ZNF708: variants seen among roughly 807,000 people sequenced by gnomAD.
The protein encoded by ZNF708 is ZNF15, ZNF15L1.
A neutral mutation model predicts 47.0 loss-of-function variants in ZNF708; 44 were observed. The observed-to-expected ratio is 0.94, with a 90% CI of 0.74 to 1.20. The LOEUF (loss-of-function observed/expected upper bound fraction) is 1.20, where lower values mean the gene tolerates loss of function less well. ZNF708 is among the 50% of genes most tolerant of loss of function. The pLI, the probability that ZNF708 is intolerant of heterozygous loss-of-function variation, is 0.00. For missense variants in ZNF708, 557 were observed against 656.0 expected (o/e 0.85, Z 1.65); for synonymous variants, 184 against 218.5 (o/e 0.84, Z 1.39).
intron 1 of ZNF708, among the ~76,000 whole-genome samples, chr19:21,315,756 G>C (rs1414091118): frequency 6.6e-6 from 1 of 151,154 alleles, no homozygotes; most frequent in Non-Finnish European, 1.5e-5. Flanking sequence ...TTAGGCTATA[G>C]GGTGTGGGTT....
In ZNF708 at chr19:21,316,625, C is replaced by T. The variant is rs143590814; in HGVS notation, c.4-5998G>A. On this transcript the variant is annotated intron_variant, in intron 1 of 3. Transcript: ENST00000356929. ...ATGTTATTCTGCTAGGGTTTTTGGG[C>T]CCCATGGTCTCTGAGTCAGCTTCAG... Among the ~76,000 whole-genome samples the T allele has an allele frequency of 2.9e-3, 446 of 152,214 alleles. 3 individuals are homozygous for T. The highest frequency in any genetic ancestry group is 1.0e-2 in the African/African-American group (415 of 41,558).
rs1396899380 is a variant in ZNF708 at position 21,292,198 on chromosome 19, A to T, written c.*1076T>A. 1 of 152,016 alleles carries T rather than the reference A, an allele frequency of 6.6e-6. No individual in the cohort carries two copies. The highest frequency in any genetic ancestry group is 1.5e-5 in the Non-Finnish European group (1 of 68,080). 9.4% of individuals were successfully genotyped at this position (152,016 alleles called of 1,614,324 possible). ...AGGCACGTGCCGCCACGCCCAGCTA[A>T]TTTTTGTATTTTTAGTAGAGACAGG... On this transcript the variant is annotated 3_prime_UTR_variant, in exon 4 of 4. Coordinates refer to ENST00000356929, the MANE Select transcript of ZNF708 (RefSeq NM_021269.3).
intron 3 of ZNF708, among the ~76,000 whole-genome samples, chr19:21,298,654 C>A (rs1420042013): frequency 6.7e-6 from 1 of 148,644 alleles, no homozygotes; most frequent in African/African-American, 2.5e-5. Context: ...GACAAAGCTA[C>A]ATAATAAAAA....
chr19:21,315,641 T>C (rs1972985653), intron 1 of ZNF708, among the ~76,000 whole-genome samples: 1 of 152,048 alleles, frequency 6.6e-6, no homozygotes, highest in Non-Finnish European at 1.5e-5. Context: ...TACAATTGGA[T>C]TGGAAAGACA....
chr19:21,315,192 G>T (rs763266568), intron 1 of ZNF708, among the ~76,000 whole-genome samples: 1 of 152,126 alleles, frequency 6.6e-6, no homozygotes, highest in Non-Finnish European at 1.5e-5. Flanking sequence ...AGCCTCTCAC[G>T]TAACTGTGGC....
rs537931794 is a variant in ZNF708, at chr19:21,315,293, T to C, written c.4-4666A>G. ...GCTGTAGGATGTCTATGTTGACATC[T>C]CACAGTGCAGAAAATGCCTTCTATT... On this transcript the variant is annotated intron_variant, in intron 1 of 3. Transcript: ENST00000356929. 4.7e-4 allele frequency among the ~76,000 whole-genome samples: 71 copies of C among 152,334 alleles called. No individual in the cohort carries two copies. The South Asian group carries it at 5.6e-3, about 12-fold the overall frequency.
At chr19:21,297,562 G>C (rs1489262339) in intron 3 of ZNF708, among the ~76,000 whole-genome samples, 2 of 113,546 alleles carry the variant, frequency 1.8e-5, no homozygotes, top group African/African-American at 6.3e-5. Context: ...GAAAATGAGG[G>C]ACAAAGATAC....
intron 1 of ZNF708, 129 bp from the exon 2 acceptor site, chr19:21,310,756 TA>T (rs1972882931): frequency 1.5e-6 from 1 of 676,412 alleles, no homozygotes; most frequent in Non-Finnish European, 2.1e-6. Flanking sequence ...AATTATCCAA[TA>T]AAATAATTTT....
rs551582864 is a variant in ZNF708, at chr19:21,293,146, T to C, written c.*128A>G. The C allele has an allele frequency of 1.2e-5, 14 of 1,168,194 alleles. No individual in the cohort carries two copies. In the African/African-American group the frequency reaches 2.2e-4, roughly 18 times the overall value. 72.4% of individuals were successfully genotyped at this position (1,168,194 alleles called of 1,614,324 possible). On this transcript the variant is annotated 3_prime_UTR_variant, in exon 4 of 4. Coordinates refer to ENST00000356929, the MANE Select transcript of ZNF708 (RefSeq NM_021269.3). The stretch of plus-strand genomic sequence containing the variant: ...GGTTTCTCTCTAGTATGAATTATCT[T>C]TTGTTTCATAAGGATTAAGAGCCAG...
intron 1 of ZNF708, among the ~76,000 whole-genome samples, chr19:21,313,688 G>A (rs184693784): frequency 2.8e-4 from 43 of 151,584 alleles, no homozygotes; most frequent in Non-Finnish European, 5.9e-5. Context: ...AACCCGGGAG[G>A]TGGAGGTTGC....
At chr19:21,312,337 C>T (rs1450654922) in intron 1 of ZNF708, among the ~76,000 whole-genome samples, 6 of 151,300 alleles carry the variant, frequency 4.0e-5, no homozygotes, top group African/African-American at 9.8e-5. Flanking sequence ...GTAGCATGCA[C>T]GTGTAATCCC....
chr19:21,293,627 G>A lies in ZNF708; in HGVS notation c.1339C>T (p.Pro447Ser). The A allele has an allele frequency of 6.2e-7, 1 of 1,612,326 alleles. No homozygotes were observed. The highest frequency in any genetic ancestry group is 1.7e-5 in the Admixed American group (1 of 59,908). Residue 447 changes from proline (P) to serine (S), a missense_variant, in exon 4 of 4, where the codon CCC becomes TCC. Physicochemically the swap from Pro to Ser is moderately conservative, Grantham distance 74. Coordinates refer to ENST00000356929, the MANE Select transcript of ZNF708 (RefSeq NM_021269.3). ...TTGCCACATTCTTCACATTTGTAGG[G>A]TTTGTCTTCAGTATGAATTACTTTA... ...KHKVIHTEDKPYKCEECGKTF... is the reference protein window; with the variant it reads ...KHKVIHTEDKSYKCEECGKTF...
At chr19:21,308,874 T>TA (rs1380180962) in intron 3 of ZNF708, among the ~76,000 whole-genome samples, 1 of 152,124 alleles carries the variant, frequency 6.6e-6, no homozygotes, top group Non-Finnish European at 1.5e-5. Flanking sequence ...CCACAACTCT[T>TA]ACACATTTCA....
At position 21,329,286 on chromosome 19, in the gene ZNF708, T is replaced by C; in HGVS notation, c.-74A>G. On this transcript the variant is annotated 5_prime_UTR_variant, in exon 1 of 4. Transcript: ENST00000356929. ...ACCTGCAGGTCACAGAGCCACAGAG[T>C]CTGGGCCTCTAGGAGCAGAGGACAA... 6.3e-7 allele frequency: 1 copy of C among 1,596,580 alleles called. No individual in the cohort carries two copies. The highest frequency in any genetic ancestry group is 8.6e-7 in the Non-Finnish European group (1 of 1,167,022).
intron 1 of ZNF708, among the ~76,000 whole-genome samples, chr19:21,322,912 G>T (rs1041989776): frequency 5.3e-5 from 8 of 152,222 alleles, no homozygotes; most frequent in Admixed American, 3.9e-4. Context: ...CAAACTCCAT[G>T]GGCCCATTTA....
intron 1 of ZNF708, among the ~76,000 whole-genome samples, chr19:21,314,266 C>A (rs1024776613): frequency 2.0e-5 from 3 of 151,904 alleles, no homozygotes; most frequent in Non-Finnish European, 2.9e-5. Flanking sequence ...AAACTTAAAT[C>A]CCAGCGTTTG....
intron 3 of ZNF708, among the ~76,000 whole-genome samples, 192 bp downstream of exon 3, chr19:21,309,054 G>A (rs1400366975): frequency 6.6e-6 from 1 of 152,140 alleles, no homozygotes; most frequent in Non-Finnish European, 1.5e-5. Context: ...GAAGATCGCT[G>A]AAGGGAAAGT....
intron 1 of ZNF708, among the ~76,000 whole-genome samples, chr19:21,322,834 T>C (rs1973179858): frequency 6.6e-6 from 1 of 152,232 alleles, no homozygotes; most frequent in African/African-American, 2.4e-5. Flanking sequence ...ATTTTATTTC[T>C]GACACCACCC....
intron 1 of ZNF708, among the ~76,000 whole-genome samples, chr19:21,326,817 C>G (rs1386177016): frequency 6.6e-6 from 1 of 152,110 alleles, no homozygotes; most frequent in Non-Finnish European, 1.5e-5. Flanking sequence ...ACCTGTAATT[C>G]TAGCTACCCG....
Sources: allele counts gnomAD v4.1 joint callset (sites outside exome capture counted in the v4.1 genomes callset), GRCh38; gene constraint gnomAD v4.1.1; transcripts MANE v1.5; gene names NCBI Gene and HGNC (gene_info 2026-07-23, HGNC 2026-07-21).